AXDND1: variants seen among roughly 807,000 people sequenced by gnomAD.
AXDND1 encodes axonemal dynein light chain domain containing 1.
AXDND1 carries 110 observed loss-of-function variants against 137.5 expected under a neutral mutation model. The ratio of observed to expected loss-of-function variants is 0.80; its 90% confidence interval spans 0.69 to 0.94. AXDND1 has a LOEUF of 0.94. Ranked by LOEUF, AXDND1 falls within the 40% of genes least tolerant of loss-of-function variation. The pLI, the probability that AXDND1 is intolerant of heterozygous loss-of-function variation, is 0.00. For missense variants in AXDND1, 1,191 were observed against 1,169.8 expected (o/e 1.02, Z -0.26); for synonymous variants, 414 against 399.7 (o/e 1.04, Z -0.43).
At chr1:179,434,038 G>C (rs945137044) in intron 15 of AXDND1, among the ~76,000 whole-genome samples, 16 of 152,148 alleles carry the variant, frequency 1.1e-4, no homozygotes, top group African/African-American at 3.6e-4. Flanking sequence ...GGGTGCTTCT[G>C]TGTTGGGTGC....
intron 17 of AXDND1, among the ~76,000 whole-genome samples, chr1:179,475,042 C>T (rs188785751): frequency 2.6e-5 from 4 of 151,758 alleles, no homozygotes; most frequent in Admixed American, 2.6e-4. Context: ...AAAAGGTGGT[C>T]TTGGGCCTGT....
intron 25 of AXDND1, chr1:179,550,695 T>G (rs1241013848): frequency 5.3e-6 from 1 of 189,704 alleles, no homozygotes; most frequent in Non-Finnish European, 1.1e-5. Flanking sequence ...TTGAGTGTGG[T>G]TGAGGAAAAC....
intron 21 of AXDND1, among the ~76,000 whole-genome samples, chr1:179,510,547 A>G (rs923435872): frequency 3.3e-5 from 5 of 152,330 alleles, no homozygotes; most frequent in African/African-American, 1.2e-4. Flanking sequence ...TTATTGTGAA[A>G]TAACCACTGA....
chr1:179,394,142 A>G, intron 10 of AXDND1, 99 bp downstream of exon 10: 2 of 1,232,902 alleles, frequency 1.6e-6, no homozygotes, highest in South Asian at 1.8e-5. Context: ...TTAAAGGCCA[A>G]GGTTCTTCTG....
intron 20 of AXDND1, among the ~76,000 whole-genome samples, chr1:179,494,843 A>G (rs1048302978): frequency 1.1e-4 from 17 of 152,174 alleles, no homozygotes; most frequent in African/African-American, 4.1e-4. Flanking sequence ...TTTAGGCATT[A>G]TATTCAAGTC....
chr1:179,390,993 A>G (rs1465887622), intron 9 of AXDND1, among the ~76,000 whole-genome samples: 1 of 151,886 alleles, frequency 6.6e-6, no homozygotes, highest in Non-Finnish European at 1.5e-5. Context: ...TTTAGTAGAG[A>G]TAGGGTTTAT....
At chr1:179,388,296 A>G (rs934344752) in intron 9 of AXDND1, among the ~76,000 whole-genome samples, 1 of 152,212 alleles carries the variant, frequency 6.6e-6, no homozygotes. Flanking sequence ...ACCTATATCT[A>G]TACCATAATT....
In AXDND1 at chr1:179,534,941, T is replaced by A. The variant is rs1372607704; in HGVS notation, c.3010T>A (p.Ser1004Thr). 1 of 1,605,800 alleles carries A rather than the reference T, an allele frequency of 6.2e-7. No individual in the cohort carries two copies. Among genetic ancestry groups the A allele is most frequent in the Non-Finnish European group, 8.5e-7 (1 of 1,178,132 alleles). Reference sequence around the variant, plus strand: ...AGAAGAAGTCAGGTCAGCAGAAAATTCCTCAAAATCTCCAAAGAAAGGTAA... The same window carrying A: ...AGAAGAAGTCAGGTCAGCAGAAAATACCTCAAAATCTCCAAAGAAAGGTAA... Reference protein sequence around the residue: ...EEEEVRSAENSSKSPKKGH With the variant: ...EEEEVRSAENTSKSPKKGH The change falls in exon 25 of 26, where the codon TCC becomes ACC. Residue 1004 changes from serine to threonine, a missense_variant. Transcript: ENST00000367618.
intron 18 of AXDND1, 72 bp downstream of exon 18, chr1:179,483,293 C>T (rs1665649592): frequency 3.0e-6 from 3 of 988,576 alleles, no homozygotes; most frequent in Non-Finnish European, 4.5e-6. Flanking sequence ...AAAAATAATG[C>T]TCTCCCTATT....
rs117234093 is a variant in AXDND1, at chr1:179,428,903, G to T, written c.1231-615G>T. Among the ~76,000 whole-genome samples, 1,056 of 151,850 alleles carry T rather than the reference G, an allele frequency of 7.0e-3. 29 individuals are homozygous for T. Among genetic ancestry groups the T allele is most frequent in the East Asian group, 0.045 (229 of 5,122 alleles). On this transcript the variant is annotated intron_variant, in intron 12 of 25. Transcript: ENST00000367618. ...TTAAATCTAGTTTACTTTCTGCCGG[G>T]CGTGGTGGCTCACGCCTGTAATCCC...
In AXDND1 at chr1:179,525,441, A is replaced by G. The variant is rs746516373; in HGVS notation, c.2604A>G (p.Ala868=). 5.6e-6 allele frequency: 9 copies of G among 1,606,366 alleles called. No homozygotes were observed. In the East Asian group the frequency reaches 1.8e-4, roughly 32 times the overall value. ...RKLQEENKER[A]EEQPSTSTEK... ...TTCAGGAGGAAAATAAAGAGAGAGC[A>G]GAAGAAGTAAGATTATTTGGTATTT... The change falls in exon 22 of 26, where the codon GCA becomes GCG. Residue 868 remains alanine, a synonymous_variant. Transcript: ENST00000367618.
At chr1:179,427,897 A>G (rs776068095) in intron 12 of AXDND1, among the ~76,000 whole-genome samples, 17 of 151,998 alleles carry the variant, frequency 1.1e-4, no homozygotes, top group Non-Finnish European at 2.2e-4. Flanking sequence ...ACAAAAGACA[A>G]ACAAAACTCA....
At chr1:179,401,221 G>T (rs1651982195) in intron 11 of AXDND1, among the ~76,000 whole-genome samples, 2 of 131,882 alleles carry the variant, frequency 1.5e-5, no homozygotes, top group Admixed American at 1.9e-4. Flanking sequence ...TTGTGCCATT[G>T]TGCTTCAGCC....
intron 17 of AXDND1, among the ~76,000 whole-genome samples, chr1:179,475,956 G>A (rs1015753898): frequency 1.3e-5 from 2 of 152,168 alleles, no homozygotes; most frequent in Non-Finnish European, 2.9e-5. Flanking sequence ...ATGATAGTGA[G>A]TTCTTATGCA....
chr1:179,446,121 G>A (rs1659696649), intron 16 of AXDND1, among the ~76,000 whole-genome samples: 2 of 152,000 alleles, frequency 1.3e-5, no homozygotes. Flanking sequence ...AGGTTTATTA[G>A]CCACTTATAT....
At chr1:179,366,879 T>TA (rs1251596020) in intron 2 of AXDND1, among the ~76,000 whole-genome samples, 3 of 152,244 alleles carry the variant, frequency 2.0e-5, no homozygotes, top group Admixed American at 6.5e-5. Context: ...TATCAATAGT[T>TA]ACGTATTTTT....
At chr1:179,542,442 C>CA (rs1215770590) in intron 25 of AXDND1, among the ~76,000 whole-genome samples, 18 of 152,172 alleles carry the variant, frequency 1.2e-4, no homozygotes, top group Admixed American at 1.2e-3. Flanking sequence ...ATTTTTTCTA[C>CA]TCCTTTCAAC....
intron 25 of AXDND1, among the ~76,000 whole-genome samples, chr1:179,547,710 T>C (rs941725590): frequency 6.6e-6 from 1 of 152,184 alleles, no homozygotes; most frequent in African/African-American, 2.4e-5. Context: ...CTAGGCCAGC[T>C]TGAGAAACAC....
intron 16 of AXDND1, chr1:179,449,131 C>A (rs1433517921): frequency 4.4e-6 from 2 of 454,230 alleles, no homozygotes; most frequent in Non-Finnish European, 8.8e-6. Context: ...AGCGATCATC[C>A]CACTTCAGCC....
Sources: gnomAD v4.1 joint callset for allele counts (sites outside exome capture counted in the v4.1 genomes callset) on GRCh38, gnomAD v4.1.1 for gene constraint, MANE v1.5 for transcripts, NCBI Gene and HGNC (gene_info 2026-07-23, HGNC 2026-07-21) for gene names.